The following INSYN2A variants were observed in gnomAD, a reference collection of about 807,000 sequenced individuals.
The protein encoded by INSYN2A is family with sequence similarity 196 member A.
INSYN2A carries 17 observed loss-of-function variants against 39.4 expected under a neutral mutation model. The observed-to-expected ratio is 0.43, with a 90% confidence interval of 0.30 to 0.65. The LOEUF (loss-of-function observed/expected upper bound fraction) is 0.65. INSYN2A is among the 30% of genes least tolerant of loss of function. The pLI, the probability that INSYN2A is intolerant of heterozygous loss-of-function variation, is 0.14. For missense variants in INSYN2A, 595 were observed against 631.2 expected (o/e 0.94, Z 0.61); for synonymous variants, 255 against 265.7 (o/e 0.96, Z 0.39).
intron 5 of INSYN2A, among the ~76,000 whole-genome samples, chr10:127,146,909 G>C (rs375016715): frequency 6.6e-6 from 1 of 152,094 alleles, no homozygotes; most frequent in African/African-American, 2.4e-5. Context: ...CGGTTCTGCC[G>C]GCTGTCTTGA....
intron 2 of INSYN2A, among the ~76,000 whole-genome samples, chr10:127,192,058 TG>T (rs1218388707): frequency 1.3e-5 from 2 of 152,158 alleles, no homozygotes; most frequent in East Asian, 3.8e-4. Context: ...TTTGATATGG[TG>T]GGGTTTTCTT....
chr10:127,145,947 T>C (rs767594686), intron 5 of INSYN2A: 7 of 510,046 alleles, frequency 1.4e-5, no homozygotes, highest in African/African-American at 1.4e-4. Context: ...ACAGGTTCTT[T>C]CAAGACGCCT....
In INSYN2A at chr10:127,175,722, A is replaced by G; in HGVS notation, c.674T>C (p.Leu225Pro). 1 of 1,613,854 alleles carries G rather than the reference A, an allele frequency of 6.2e-7. No individual in the cohort carries two copies. The highest frequency in any genetic ancestry group is 8.5e-7 in the Non-Finnish European group (1 of 1,179,988). Residue 225 changes from leucine to proline, a missense_variant, in exon 4 of 6, where the codon CTC (leucine) becomes CCC (proline). This residue lies in a region of INSYN2A where 478 missense variants were observed against 467.4 expected (regional missense o/e 1.02). Coordinates refer to ENST00000522781, the MANE Select transcript of INSYN2A (RefSeq NM_001039762.3). This position sits in a 1 kb window ranked among gnomAD's most constrained non-coding sequence, Gnocchi z 6.3. ...CCCCCGGTCCTGCTTGGCCCTCCCG[A>G]GCAGCTGGTAATCGGGCTCTTCGGA... ...PPSEEPDYQL[L>P]GRAKQDRGRP...
At chr10:127,138,144 T>C (rs967747067) in intron 5 of INSYN2A, 124 bp from the exon 6 acceptor site, 20 of 831,106 alleles carry the variant, frequency 2.4e-5, no homozygotes, top group Non-Finnish European at 3.5e-5. Flanking sequence ...GGTTTAATAA[T>C]AGCAATTCGA....
intron 4 of INSYN2A, among the ~76,000 whole-genome samples, chr10:127,173,392 A>G (rs1480333000): frequency 6.6e-6 from 1 of 152,190 alleles, no homozygotes; most frequent in Non-Finnish European, 1.5e-5. Context: ...ATGGCATCTC[A>G]GAGAACCCTG....
rs1258668992 is a variant in INSYN2A at position 127,176,382 on chromosome 10, T to C, written c.14A>G (p.Asp5Gly). 21 of 1,607,694 alleles carry C rather than the reference T, an allele frequency of 1.3e-5. No individual in the cohort carries two copies. Among genetic ancestry groups the C allele is most frequent in the Non-Finnish European group, 1.8e-5 (21 of 1,177,662 alleles). The change falls in exon 4 of 6, where the codon GAC (aspartate) becomes GGC (glycine). Residue 5 changes from aspartate to glycine, a missense_variant. Physicochemically the swap from Asp to Gly is moderately conservative, Grantham distance 94. Coordinates refer to ENST00000522781, the MANE Select transcript of INSYN2A (RefSeq NM_001039762.3). This position sits in a 1 kb window ranked among gnomAD's most constrained non-coding sequence, Gnocchi z 4.4. MVSK[D>G]TGKCILTTSE... ...CGTTGTGAGTATGCATTTGCCGGTG[T>C]CCTTACTGACCATGGTTCCTGCATT...
At chr10:127,182,619 C>T (rs1022711124) in intron 2 of INSYN2A, among the ~76,000 whole-genome samples, 2 of 152,126 alleles carry the variant, frequency 1.3e-5, no homozygotes, top group African/African-American at 4.8e-5. Flanking sequence ...AATATGCCTC[C>T]TTGAAATGAG....
At chr10:127,165,632 G>T (rs2054006863) in intron 4 of INSYN2A, among the ~76,000 whole-genome samples, 1 of 152,088 alleles carries the variant, frequency 6.6e-6, no homozygotes, top group South Asian at 2.1e-4. Flanking sequence ...TGTTCACATG[G>T]ATGTGGACAT....
At chr10:127,150,556 CTGTCTT>C (rs2052390120) in intron 5 of INSYN2A, among the ~76,000 whole-genome samples, 1 of 151,822 alleles carries the variant, frequency 6.6e-6, no homozygotes, top group African/African-American at 2.4e-5. Context: ...ACTGGCTTCT[CTGTCTT>C]TGTCCTGTGA....
chr10:127,175,501 C>G lies in INSYN2A; in HGVS notation c.895G>C (p.Ala299Pro). 1 of 1,608,790 alleles carries G rather than the reference C, an allele frequency of 6.2e-7. No homozygotes were observed. Among genetic ancestry groups the G allele is most frequent in the Non-Finnish European group, 8.5e-7 (1 of 1,179,984 alleles). The change falls in exon 4 of 6, where the codon GCG becomes CCG. Residue 299 changes from alanine to proline, a missense_variant. Ala to Pro is a conservative substitution (Grantham distance 27, BLOSUM62 -1). Transcript: ENST00000522781. The surrounding 1 kb of genome is among the most constrained non-coding windows in gnomAD (Gnocchi z 6.3). ...CAGGCCAGGGCAGTTTCCGAGGGCG[C>G]CTGGAGCCCGTTGAGATGTGTGGCT... is the stretch of plus-strand genomic sequence containing the variant. Reference protein sequence around the residue: ...RRATHLNGLQAPSETALACSP... With the variant: ...RRATHLNGLQPPSETALACSP...
intron 2 of INSYN2A, among the ~76,000 whole-genome samples, chr10:127,183,751 G>A (rs569538125): frequency 2.2e-4 from 34 of 152,168 alleles, no homozygotes; most frequent in Middle Eastern, 3.4e-3. Flanking sequence ...TTGTTGGGGG[G>A]CTGGTGAAGA....
At chr10:127,138,069 G>T in intron 5 of INSYN2A, 49 bp from the exon 6 acceptor site, 1 of 1,509,456 alleles carries the variant, frequency 6.6e-7, no homozygotes. Flanking sequence ...TTTTCCATAT[G>T]AAGATCCCTC....
intron 2 of INSYN2A, among the ~76,000 whole-genome samples, chr10:127,183,650 A>G (rs2055949151): frequency 6.6e-6 from 1 of 152,178 alleles, no homozygotes; most frequent in South Asian, 2.1e-4. Context: ...TTCATGGCCT[A>G]GTCTGAAAAG....
chr10:127,175,166 G>T lies in INSYN2A; in HGVS notation c.1184+46C>A. 1 of 1,500,514 alleles carries T rather than the reference G, an allele frequency of 6.7e-7. No individual in the cohort carries two copies. Among genetic ancestry groups the T allele is most frequent in the Non-Finnish European group, 9.1e-7 (1 of 1,093,864 alleles). 92.9% of individuals were successfully genotyped at this position (1,500,514 alleles called of 1,614,324 possible). A position where few individuals can be genotyped will look rare whatever the true frequency, so the allele number is the denominator to read the frequency against. The stretch of plus-strand genomic sequence containing the variant: ...TTTGGGGCTACAGATGGACTCTGTG[G>T]TGATCAGCCTGCATAGCTTCCTAAG... On this transcript the variant is annotated intron_variant, in intron 4 of 5. Transcript: ENST00000522781. The surrounding 1 kb of genome is among the most constrained non-coding windows in gnomAD (Gnocchi z 6.3).
Position 127,153,842 on chromosome 10 carries a change from G to A in INSYN2A, c.1256+10C>T. ...AATAAGAAAGTGGGAAGAGGAGAAT[G>A]TTAACATACCTATAGATAATACATG... On this transcript the variant is annotated intron_variant, in intron 5 of 5. Coordinates refer to ENST00000522781, the MANE Select transcript of INSYN2A (RefSeq NM_001039762.3). 1 of 1,600,640 alleles carries A rather than the reference G, an allele frequency of 6.2e-7. No homozygotes were observed. Among genetic ancestry groups the A allele is most frequent in the African/African-American group, 1.3e-5 (1 of 74,730 alleles).
intron 1 of INSYN2A, among the ~76,000 whole-genome samples, chr10:127,193,374 C>G (rs2056883686): frequency 6.6e-6 from 1 of 152,182 alleles, no homozygotes; most frequent in Admixed American, 6.5e-5. Context: ...ACGCGTTGAA[C>G]AGCATCCTTC....
intron 2 of INSYN2A, among the ~76,000 whole-genome samples, chr10:127,177,491 G>A (rs943581192): frequency 2.6e-5 from 4 of 152,212 alleles, no homozygotes; most frequent in African/African-American, 4.8e-5. Context: ...GTGAGGCTTC[G>A]CCTTTTCCCC....
rs573711805 is a variant in INSYN2A at position 127,144,970 on chromosome 10, C to T, written c.1257-6950G>A. Among the ~76,000 whole-genome samples the T allele has an allele frequency of 8.5e-4, 129 of 152,116 alleles. 1 individual carries two copies. The highest frequency in any genetic ancestry group is 1.0e-3 in the Non-Finnish European group (69 of 68,008). On this transcript the variant is annotated intron_variant, in intron 5 of 5. Coordinates refer to ENST00000522781, the MANE Select transcript of INSYN2A (RefSeq NM_001039762.3). ...ATAGTTTTTTTAAAAAAGCATTAGC[C>T]AGATATCCTAGCTGTATATTTTACT... is the stretch of plus-strand genomic sequence containing the variant.
At chr10:127,157,491 C>G (rs762369138) in intron 4 of INSYN2A, among the ~76,000 whole-genome samples, 1 of 152,256 alleles carries the variant, frequency 6.6e-6, no homozygotes, top group Non-Finnish European at 1.5e-5. Flanking sequence ...TTGACTTTTA[C>G]TCTCAATCCT....
Sources: allele counts gnomAD v4.1 joint callset (sites outside exome capture counted in the v4.1 genomes callset), GRCh38; gene constraint gnomAD v4.1.1; regional missense constraint gnomAD v4.1.1; non-coding constraint Gnocchi (gnomAD v3.1); transcripts MANE v1.5; gene names NCBI Gene and HGNC (gene_info 2026-07-23, HGNC 2026-07-21).